The following RAB10 variants were observed in gnomAD, a reference collection of about 807,000 sequenced individuals.
The protein encoded by RAB10 is RAB10, member RAS oncogene family.
A neutral mutation model predicts 25.7 loss-of-function variants in RAB10; 5 were observed. The ratio of observed to expected loss-of-function variants is 0.19; its 90% CI spans 0.10 to 0.41. The LOEUF (loss-of-function observed/expected upper bound fraction) is 0.41. Among genes scored for constraint, RAB10 ranks in the 10% least tolerant of loss-of-function variants. The pLI is 1.00. For missense variants in RAB10, 103 were observed against 245.8 expected, an observed-to-expected ratio of 0.42 and a Z score of 3.89; for synonymous variants, 89 against 86.4, an observed-to-expected ratio of 1.03 and a Z score of -0.16.
intron 5 of RAB10, 128 bp downstream of exon 5, chr2:26,128,079 C>A: frequency 2.5e-6 from 2 of 788,692 alleles, no homozygotes; most frequent in Non-Finnish European, 4.2e-6. Context: ...GGGCAGCAGT[C>A]CCCAGCCTTT....
At position 26,043,235 on chromosome 2, in the gene RAB10, A is replaced by T. The variant is rs528163675; in HGVS notation, c.127+8500A>T. Reference sequence around the variant, plus strand: ...GGAGTTCAAGACCAGCCTGGGCAACATGGTGAGATCCTGTCTCTACCAAGA... The same window carrying T: ...GGAGTTCAAGACCAGCCTGGGCAACTTGGTGAGATCCTGTCTCTACCAAGA... On this transcript the variant is annotated intron_variant, in intron 1 of 5. Transcript: ENST00000264710. Among the ~76,000 whole-genome samples, 14 of 152,314 alleles carry T rather than the reference A, an allele frequency of 9.2e-5. No homozygotes were observed. In the South Asian group the frequency reaches 2.9e-3, roughly 32 times the overall value.
intron 3 of RAB10, 53 bp downstream of exon 3, chr2:26,109,959 G>T: frequency 7.0e-7 from 1 of 1,433,326 alleles, no homozygotes; most frequent in Non-Finnish European, 9.3e-7. Context: ...TGTGTGCTTG[G>T]TTAGGAAGAA....
rs111702270 is a variant in RAB10 at position 26,128,937 on chromosome 2, C to A, written c.519+986C>A. 2.0e-3 allele frequency among the ~76,000 whole-genome samples: 304 copies of A among 152,244 alleles called. 1 individual carries two copies. Among genetic ancestry groups the A allele is most frequent in the African/African-American group, 5.6e-3 (232 of 41,548 alleles). On this transcript the variant is annotated intron_variant, in intron 5 of 5. Coordinates refer to ENST00000264710, the MANE Select transcript of RAB10 (RefSeq NM_016131.5). ...GGTTATGAGTCCTGAATTCTCTGTT[C>A]AATCTGTTGAAATTTTAAATGCAAA...
At chr2:26,035,313 C>A (rs955135456) in intron 1 of RAB10, among the ~76,000 whole-genome samples, 51 of 152,154 alleles carry the variant, frequency 3.4e-4, no homozygotes, top group African/African-American at 1.1e-3. Flanking sequence ...GGCATATTTG[C>A]CTCAGTGCTT....
At chr2:26,105,649 A>G (rs927458096) in intron 2 of RAB10, among the ~76,000 whole-genome samples, 3 of 152,322 alleles carry the variant, frequency 2.0e-5, no homozygotes, top group East Asian at 3.9e-4. Flanking sequence ...CAGGAAAAAA[A>G]TAAAAAGAAA....
chr2:26,040,605 C>T (rs1222846832), intron 1 of RAB10, among the ~76,000 whole-genome samples: 1 of 152,092 alleles, frequency 6.6e-6, no homozygotes, highest in East Asian at 1.9e-4. Flanking sequence ...GTGCAGTGAG[C>T]TCGGATCACA....
intron 3 of RAB10, among the ~76,000 whole-genome samples, chr2:26,115,380 A>G (rs576542612): frequency 3.9e-5 from 6 of 152,284 alleles, no homozygotes; most frequent in African/African-American, 1.2e-4. Context: ...TAAAATGTGT[A>G]TATTCATATA....
intron 2 of RAB10, among the ~76,000 whole-genome samples, chr2:26,102,439 CTTTTTT>C (rs562310195): frequency 8.0e-6 from 1 of 124,372 alleles, no homozygotes; most frequent in African/African-American, 3.1e-5. Flanking sequence ...TTTTTTCTTT[CTTTTTT>C]TTTTTTTTTT....
At chr2:26,058,617 T>C (rs75287877) in intron 1 of RAB10, among the ~76,000 whole-genome samples, 1 of 152,260 alleles carries the variant, frequency 6.6e-6, no homozygotes, top group South Asian at 2.1e-4. Flanking sequence ...CTTAGATTGT[T>C]TTGTTTACCC....
chr2:26,077,890 A>G (rs1407868867), intron 1 of RAB10, among the ~76,000 whole-genome samples: 1 of 152,130 alleles, frequency 6.6e-6, no homozygotes, highest in Admixed American at 6.5e-5. Context: ...GAGGCAGGAG[A>G]GTCACTTGGT....
chr2:26,088,211 GAT>G (rs758811359), intron 1 of RAB10, among the ~76,000 whole-genome samples: 11 of 152,188 alleles, frequency 7.2e-5, no homozygotes, highest in Non-Finnish European at 1.6e-4. Flanking sequence ...CTGGAAAACT[GAT>G]AGAGTGGCTA....
intron 1 of RAB10, among the ~76,000 whole-genome samples, chr2:26,044,502 A>G (rs967676016): frequency 6.6e-6 from 1 of 152,008 alleles, no homozygotes; most frequent in Non-Finnish European, 1.5e-5. Flanking sequence ...GAGACTGGTG[A>G]GGTGAAGTAA....
Position 26,034,215 on chromosome 2 carries a change from G to T in RAB10, c.-394G>T, listed in dbSNP as rs1252178972. The T allele has an allele frequency of 1.6e-5, 7 of 428,652 alleles. No homozygotes were observed. The highest frequency in any genetic ancestry group is 1.2e-4 in the African/African-American group (6 of 49,220). 26.6% of individuals were successfully genotyped at this position (428,652 alleles called of 1,614,324 possible). A position where few individuals can be genotyped will look rare whatever the true frequency, so the allele number is the denominator to read the frequency against. ...GGTCCTTCTTCGCTGCCCTCGCCGC[G>T]TGCTAGCAGGGAGTTTCCGCTCGGG... On this transcript the variant is annotated 5_prime_UTR_variant, in exon 1 of 6. Coordinates refer to ENST00000264710, the MANE Select transcript of RAB10 (RefSeq NM_016131.5).
intron 1 of RAB10, among the ~76,000 whole-genome samples, chr2:26,053,795 C>G (rs1666186172): frequency 6.6e-6 from 1 of 152,232 alleles, no homozygotes; most frequent in African/African-American, 2.4e-5. Context: ...TCTCGGCTCA[C>G]TGCAACTTCT....
chr2:26,046,468 A>G (rs1666005942), intron 1 of RAB10, among the ~76,000 whole-genome samples: 1 of 152,240 alleles, frequency 6.6e-6, no homozygotes, highest in Admixed American at 6.5e-5. Context: ...TTGCAAGCAT[A>G]AGTGATTGCT....
chr2:26,055,350 CAGT>C (rs1666236401), intron 1 of RAB10, among the ~76,000 whole-genome samples: 1 of 151,022 alleles, frequency 6.6e-6, no homozygotes, highest in Admixed American at 6.6e-5. Flanking sequence ...TTTTTTGAGA[CAGT>C]AGCTGGGATT....
chr2:26,044,406 T>G (rs1218182784), intron 1 of RAB10, among the ~76,000 whole-genome samples: 1 of 152,176 alleles, frequency 6.6e-6, no homozygotes, highest in Non-Finnish European at 1.5e-5. Flanking sequence ...GTTGTCTGTA[T>G]TTGCATAGAC....
intron 3 of RAB10, among the ~76,000 whole-genome samples, chr2:26,117,968 T>C (rs965763691): frequency 5.3e-5 from 8 of 152,200 alleles, no homozygotes; most frequent in African/African-American, 1.7e-4. Context: ...CTAATAGATA[T>C]AAAAAGATGT....
intron 1 of RAB10, among the ~76,000 whole-genome samples, chr2:26,059,841 C>T (rs913332393): frequency 6.6e-6 from 1 of 152,176 alleles, no homozygotes. Flanking sequence ...CGTTTCACAA[C>T]ACTGAAAATT....
Sources: gnomAD v4.1 joint callset for allele counts (sites outside exome capture counted in the v4.1 genomes callset) on GRCh38, gnomAD v4.1.1 for gene constraint, MANE v1.5 for transcripts, NCBI Gene and HGNC (gene_info 2026-07-23, HGNC 2026-07-21) for gene names.